ABCC11: variants seen among roughly 807,000 people sequenced by gnomAD.
ABCC11 encodes the protein ATP-binding cassette sub-family C member 11.
ABCC11 carries 135 observed loss-of-function variants against 149.3 expected under a neutral mutation model. The ratio of observed to expected loss-of-function variants is 0.90; its 90% CI spans 0.79 to 1.04. The LOEUF (loss-of-function observed/expected upper bound fraction) is 1.04. Ranked by LOEUF, ABCC11 falls within the 50% of genes least tolerant of loss-of-function variation. ABCC11 has a pLI of 0.00. For synonymous variants in ABCC11, 665 were observed against 671.4 expected (o/e 0.99, Z 0.15); for missense variants, 1,680 against 1,722.1 (o/e 0.98, Z 0.43).
chr16:48,213,372 G>A, intron 10 of ABCC11, 71 bp downstream of exon 10: 1 of 1,379,100 alleles, frequency 7.3e-7, no homozygotes, highest in Non-Finnish European at 1.0e-6. Context: ...TGTTCTGGAG[G>A]AACATCATGG....
chr16:48,168,923 G>A (rs1403720701), intron 28 of ABCC11, among the ~76,000 whole-genome samples: 1 of 152,188 alleles, frequency 6.6e-6, no homozygotes, highest in East Asian at 1.9e-4. Flanking sequence ...AGAGCATTAG[G>A]ACAAATGCTT....
chr16:48,187,332 C>T lies in ABCC11; in HGVS notation c.2802G>A (p.Leu934=). The change falls in exon 21 of 30, where the codon TTG becomes TTA. Residue 934 remains leucine, a synonymous_variant. Transcript: ENST00000356608. ...CCAGGAACTGCTCTGAAAAGATGGG[C>T]AAGAGCTGGTCCAGCTGTTCCAAGT... ...AGDLEQLDQL[L]PIFSEQFLVL... 6.2e-7 allele frequency: 1 copy of T among 1,614,200 alleles called. No individual in the cohort carries two copies. Among genetic ancestry groups the T allele is most frequent in the Non-Finnish European group, 8.5e-7 (1 of 1,180,038 alleles).
chr16:48,167,424 G>A (rs901940819), intron 29 of ABCC11, 58 bp from the exon 30 acceptor site: 2 of 1,592,194 alleles, frequency 1.3e-6, no homozygotes, highest in Middle Eastern at 1.7e-4. Flanking sequence ...TGTGTCCTTG[G>A]AGGACTCAAA....
chr16:48,227,692 A>C, intron 4 of ABCC11, 114 bp downstream of exon 4: 1 of 1,402,098 alleles, frequency 7.1e-7, no homozygotes, highest in South Asian at 1.2e-5. Flanking sequence ...TCCTACAGGA[A>C]GAGCCAAGTC....
intron 27 of ABCC11, 61 bp from the exon 28 acceptor site, chr16:48,170,279 T>A: frequency 7.6e-7 from 1 of 1,323,354 alleles, no homozygotes; most frequent in Non-Finnish European, 1.1e-6. Flanking sequence ...AGACCCAACC[T>A]GACCTTGTCA....
chr16:48,222,943 G>T, intron 5 of ABCC11, 112 bp from the exon 6 acceptor site: 1 of 913,406 alleles, frequency 1.1e-6, no homozygotes, highest in Non-Finnish European at 1.7e-6. Context: ...GTTTGTTGAA[G>T]GATCAAAACT....
In ABCC11 at chr16:48,203,270, C is replaced by G; in HGVS notation, c.1836G>C (p.Leu612=). ...AGGGCAGAAGTTCCAGGTCCCGATT[C>G]AGGGAGCAGCAGTGGAGCACCTGGA... ...RYLQVLHCCS[L]NRDLELLPFG... The change falls in exon 14 of 30, where the codon CTG becomes CTC. Residue 612 remains leucine (L), a synonymous_variant. Transcript: ENST00000356608. The G allele has an allele frequency of 6.3e-7, 1 of 1,584,188 alleles. No individual in the cohort carries two copies. The highest frequency in any genetic ancestry group is 1.3e-5 in the African/African-American group (1 of 74,704).
chr16:48,231,132 A>G (rs1970391168), intron 2 of ABCC11, among the ~76,000 whole-genome samples: 1 of 152,068 alleles, frequency 6.6e-6, no homozygotes, highest in African/African-American at 2.4e-5. Context: ...GGGAAGACCA[A>G]TTGCTGCGTG....
At chr16:48,174,500 G>A (rs1965911897) in intron 26 of ABCC11, among the ~76,000 whole-genome samples, 1 of 152,188 alleles carries the variant, frequency 6.6e-6, no homozygotes, top group Non-Finnish European at 1.5e-5. Flanking sequence ...TTGTCAGTAG[G>A]AGCCTAATCT....
chr16:48,220,964 C>A (rs946852128), intron 6 of ABCC11, among the ~76,000 whole-genome samples: 1 of 152,130 alleles, frequency 6.6e-6, no homozygotes, highest in African/African-American at 2.4e-5. Context: ...GCAGGGAATG[C>A]CAGTAGAAGG....
Position 48,178,675 on chromosome 16 carries a change from G to C in ABCC11, c.3270C>G (p.Ser1090Arg). The C allele has an allele frequency of 6.2e-7, 1 of 1,614,208 alleles. No individual in the cohort carries two copies. Among genetic ancestry groups the C allele is most frequent in the African/African-American group, 1.3e-5 (1 of 75,068 alleles). Residue 1090 changes from serine (S) to arginine (R), a missense_variant, in exon 24 of 30, where the codon AGC becomes AGG. Coordinates refer to ENST00000356608, the MANE Select transcript of ABCC11 (RefSeq NM_001370497.1). ...AGCCAATCCGGGCAGTGGCCTGGAA[G>C]CTGGACGCCAGCTAGAAGGAAGGAG... ...AVNIVLQLAS[S>R]FQATARIGLE...
chr16:48,201,776 G>A (rs1968004157), intron 14 of ABCC11, among the ~76,000 whole-genome samples: 3 of 152,180 alleles, frequency 2.0e-5, no homozygotes, highest in African/African-American at 7.2e-5. Flanking sequence ...CACGGCACCT[G>A]CTGTGATAGG....
intron 1 of ABCC11, chr16:48,244,321 C>G: frequency 8.2e-7 from 1 of 1,212,690 alleles, no homozygotes; most frequent in Non-Finnish European, 1.1e-6. Context: ...TTGGTGACTG[C>G]GGGGCAGGCC....
At chr16:48,200,604 G>A (rs1234457969) in intron 14 of ABCC11, 125 bp from the exon 15 acceptor site, 1 of 956,138 alleles carries the variant, frequency 1.0e-6, no homozygotes, top group Non-Finnish European at 1.5e-6. Flanking sequence ...CACACTCCAG[G>A]ATACCTGATA....
intron 18 of ABCC11, 131 bp from the exon 19 acceptor site, chr16:48,194,113 GA>G: frequency 3.3e-6 from 2 of 611,174 alleles, no homozygotes; most frequent in Non-Finnish European, 5.8e-6. Flanking sequence ...GGACACCTTG[GA>G]GGAATGGGAA....
chr16:48,173,949 C>G (rs1475352170), intron 26 of ABCC11, among the ~76,000 whole-genome samples: 1 of 152,128 alleles, frequency 6.6e-6, no homozygotes, highest in Non-Finnish European at 1.5e-5. Context: ...TTTTGAAACC[C>G]TGTGTCTGTG....
intron 13 of ABCC11, 110 bp from the exon 14 acceptor site, chr16:48,203,410 G>C: frequency 9.7e-7 from 1 of 1,033,174 alleles, no homozygotes; most frequent in Non-Finnish European, 1.4e-6. Context: ...ATTTAGACTT[G>C]ATGGTGTTTA....
intron 20 of ABCC11, among the ~76,000 whole-genome samples, chr16:48,191,367 T>C (rs913290661): frequency 2.0e-5 from 3 of 152,022 alleles, no homozygotes; most frequent in Non-Finnish European, 4.4e-5. Flanking sequence ...AAGACCTGTC[T>C]CCACAAAAAT....
intron 23 of ABCC11, among the ~76,000 whole-genome samples, chr16:48,182,710 G>C (rs1184295405): frequency 2.0e-5 from 3 of 151,810 alleles, no homozygotes; most frequent in African/African-American, 7.3e-5. Flanking sequence ...ATGAACCCAG[G>C]GGGTGGAGCT....
Sources: gnomAD v4.1 joint callset for allele counts (sites outside exome capture counted in the v4.1 genomes callset) on GRCh38, gnomAD v4.1.1 for gene constraint, MANE v1.5 for transcripts, NCBI Gene and HGNC (gene_info 2026-07-23, HGNC 2026-07-21) for gene names.